Variants in ABCB4 observed in about 807,000 individuals in gnomAD.
ABCB4 encodes ATP binding cassette subfamily B member 4.
ABCB4 carries 76 observed loss-of-function variants against 145.7 expected under a neutral mutation model. The ratio of observed to expected loss-of-function variants is 0.52; its 90% confidence interval spans 0.43 to 0.63. The LOEUF is 0.63. Ranked by LOEUF, ABCB4 falls within the 30% of genes least tolerant of loss-of-function variation. The pLI, the probability that ABCB4 is intolerant of heterozygous loss-of-function variation, is 0.00. For synonymous variants in ABCB4, 517 were observed against 566.8 expected, an observed-to-expected ratio of 0.91 and a Z score of 1.25; for missense variants, 1,234 against 1,553.1, an observed-to-expected ratio of 0.79 and a Z score of 3.45.
At chr7:87,444,121 T>C (rs1452203788) in intron 10 of ABCB4, among the ~76,000 whole-genome samples, 1 of 152,216 alleles carries the variant, frequency 6.6e-6, no homozygotes, top group East Asian at 1.9e-4. Flanking sequence ...ATATATATTA[T>C]AGCCAAGTAT....
intron 25 of ABCB4, 110 bp from the exon 26 acceptor site, chr7:87,406,604 TCAAAACAACAAC>T: frequency 8.6e-7 from 1 of 1,164,458 alleles, no homozygotes; most frequent in South Asian, 1.3e-5. Context: ...GTCAGCAGCT[TCAAAACAACAAC>T]CCTCCAAGAC....
chr7:87,475,669 C>T lies in ABCB4; in HGVS notation c.-42G>A. The T allele has an allele frequency of 1.6e-6, 1 of 609,962 alleles. No homozygotes were observed. Among genetic ancestry groups the T allele is most frequent in the East Asian group, 2.8e-5 (1 of 35,522 alleles). The allele number at this position is 609,962 out of a possible 1,614,324, so 37.8% of individuals were successfully genotyped here. ...GCGCGTGTCTGGCAGGGCCTCTGGACGCGCGGGCGCTGCAGCAGAGGGGCC... is the reference window on the plus strand; with the variant it reads ...GCGCGTGTCTGGCAGGGCCTCTGGATGCGCGGGCGCTGCAGCAGAGGGGCC... On this transcript the variant is annotated 5_prime_UTR_variant, in exon 1 of 28. Coordinates refer to ENST00000649586, the MANE Select transcript of ABCB4 (RefSeq NM_000443.4).
Position 87,471,753 on chromosome 7 carries a change from A to C in ABCB4, c.135+868T>G, listed in dbSNP as rs534427486. On this transcript the variant is annotated intron_variant, in intron 3 of 27. Transcript: ENST00000649586. Reference sequence around the variant, plus strand: ...CCTCTGTAAGACATATTTCAAATGAAAACCAGATGAGGAGACTTCTTCCAA... The same window carrying C: ...CCTCTGTAAGACATATTTCAAATGACAACCAGATGAGGAGACTTCTTCCAA... Among the ~76,000 whole-genome samples the C allele has an allele frequency of 3.3e-5, 5 of 152,364 alleles. No individual in the cohort carries two copies. In the East Asian group the frequency reaches 9.6e-4, roughly 29 times the overall value.
chr7:87,378,818 C>T, the ABCB4 span, among the ~76,000 whole-genome samples: 3 of 152,158 alleles, frequency 2.0e-5, no homozygotes, highest in African/African-American at 7.2e-5. Context: ...CAAACCACTA[C>T]AAAGTGGTGC....
At chr7:87,397,918 C>T (rs1177302637), downstream of ABCB4, among the ~76,000 whole-genome samples, 1 of 152,140 alleles carries the variant, frequency 6.6e-6, no homozygotes. Context: ...AAGTGGAAGA[C>T]TAGCTCTAAG....
intron 24 of ABCB4, 59 bp from the exon 25 acceptor site, chr7:87,408,293 ATAT>A: frequency 1.3e-6 from 2 of 1,513,272 alleles, no homozygotes; most frequent in Non-Finnish European, 1.8e-6. Flanking sequence ...GGAATAAGAA[ATAT>A]TATTTCAAGG....
rs72552776 is a variant in ABCB4 at position 87,431,525 on chromosome 7, A to T, written c.1772T>A (p.Leu591Gln). 1 of 1,614,114 alleles carries T rather than the reference A, an allele frequency of 6.2e-7. No homozygotes were observed. Among genetic ancestry groups the T allele is most frequent in the Non-Finnish European group, 8.5e-7 (1 of 1,179,976 alleles). Residue 591 changes from leucine (L) to glutamine (Q), a missense_variant, in exon 15 of 28, where the codon CTG (leucine) becomes CAG (glutamine). Leu to Gln is a moderately radical substitution (Grantham distance 113, BLOSUM62 -2). Transcript: ENST00000649586. Reference sequence around the variant, plus strand: ...GACATCTGCATTTCGGACCGTAGACAGTCGGTGTGCTATCACAATGGTGGT... The same window carrying T: ...GACATCTGCATTTCGGACCGTAGACTGTCGGTGTGCTATCACAATGGTGGT... Reference protein sequence around the residue: ...GRTTIVIAHRLSTVRNADVIA... With the variant: ...GRTTIVIAHRQSTVRNADVIA...
chr7:87,457,457 A>G (rs1328063726), intron 4 of ABCB4, among the ~76,000 whole-genome samples: 1 of 152,174 alleles, frequency 6.6e-6, no homozygotes, highest in Non-Finnish European at 1.5e-5. Context: ...AGGATGGAGA[A>G]CTTACACCCC....
At chr7:87,389,519 A>G in the ABCB4 span, among the ~76,000 whole-genome samples, 2 of 152,122 alleles carry the variant, frequency 1.3e-5, no homozygotes, top group Non-Finnish European at 2.9e-5. Context: ...AAACTAACAC[A>G]GGAACAGAAA....
At chr7:87,386,569 AT>A in the ABCB4 span, among the ~76,000 whole-genome samples, 1 of 152,078 alleles carries the variant, frequency 6.6e-6, no homozygotes, top group East Asian at 1.9e-4. Flanking sequence ...CTACCTACAG[AT>A]TTGTCAATAT....
the ABCB4 span, among the ~76,000 whole-genome samples, chr7:87,368,653 G>A: frequency 6.6e-6 from 1 of 152,158 alleles, no homozygotes; most frequent in Non-Finnish European, 1.5e-5. Flanking sequence ...CCTTCAAGCG[G>A]CAGTGTATGT....
intron 22 of ABCB4, 44 bp from the exon 23 acceptor site, chr7:87,412,077 C>T: frequency 6.2e-7 from 1 of 1,611,510 alleles, no homozygotes; most frequent in Non-Finnish European, 8.5e-7. Context: ...CTTCAGCCTC[C>T]TTTAGCGCTG....
rs756419705 is a variant in ABCB4, at chr7:87,431,564, G to A, written c.1733C>T (p.Ala578Val). 20 of 1,613,890 alleles carry A rather than the reference G, an allele frequency of 1.2e-5. No individual in the cohort carries two copies. The highest frequency in any genetic ancestry group is 1.5e-5 in the Non-Finnish European group (18 of 1,179,910). The change falls in exon 15 of 28, where the codon GCC becomes GTC. Residue 578 changes from alanine to valine, a missense_variant and splice_region_variant. By Grantham distance (64) the Ala-to-Val change is moderately conservative. This residue lies in a region of ABCB4 where 467 missense variants were observed against 632.8 expected (regional missense o/e 0.74). Transcript: ENST00000649586. ...EAEVQAALDK[A>V]REGRTTIVIA... is the part of the protein sequence containing the mutation. ...CACAATGGTGGTCCGGCCTTCTCTGGCCTAAAAGAACAAAAATGTGGTGCA... is the reference window on the plus strand; with the variant it reads ...CACAATGGTGGTCCGGCCTTCTCTGACCTAAAAGAACAAAAATGTGGTGCA...
chr7:87,395,492 G>A, the ABCB4 span, among the ~76,000 whole-genome samples: 1 of 152,292 alleles, frequency 6.6e-6, no homozygotes, highest in Non-Finnish European at 1.5e-5. Context: ...AGGCTTTAAG[G>A]CAGAAAGGGA....
At chr7:87,372,870 G>C in the ABCB4 span, among the ~76,000 whole-genome samples, 1 of 151,958 alleles carries the variant, frequency 6.6e-6, no homozygotes, top group East Asian at 1.9e-4. Context: ...GGACATTTGA[G>C]TTGTTTCTAC....
chr7:87,381,984 A>C, the ABCB4 span: 1 of 1,603,196 alleles, frequency 6.2e-7, no homozygotes, highest in Non-Finnish European at 8.5e-7. Flanking sequence ...AGAATGAAGG[A>C]AGATGGAAGG....
intron 11 of ABCB4, 36 bp from the exon 12 acceptor site, chr7:87,443,480 A>C: frequency 1.9e-6 from 3 of 1,613,796 alleles, no homozygotes; most frequent in Non-Finnish European, 2.5e-6. Context: ...CACACTTCAC[A>C]ACAAAGCCCT....
the ABCB4 span, chr7:87,375,982 T>TTA: frequency 6.5e-7 from 1 of 1,534,246 alleles, no homozygotes; most frequent in Non-Finnish European, 8.7e-7. Flanking sequence ...TTTTTTTTTT[T>TTA]ATTGCAGATT....
intron 26 of ABCB4, among the ~76,000 whole-genome samples, chr7:87,404,245 C>T (rs9655950): frequency 0.71 from 108,031 of 152,030 alleles, 40,058 homozygotes; most frequent in Middle Eastern, 0.83. Context: ...TTAAGCTCTA[C>T]GTCAGTGTAA....
Sources: gnomAD v4.1 joint callset for allele counts (sites outside exome capture counted in the v4.1 genomes callset) on GRCh38, gnomAD v4.1.1 for gene constraint, gnomAD v4.1.1 regional missense constraint, MANE v1.5 for transcripts, NCBI Gene and HGNC (gene_info 2026-07-23, HGNC 2026-07-21) for gene names.